Variants in PEAK1 observed in about 807,000 individuals in gnomAD.
PEAK1 encodes the protein inactive tyrosine-protein kinase PEAK1.
A neutral mutation model predicts 124.7 loss-of-function variants in PEAK1; 54 were observed. The observed-to-expected ratio is 0.43, with a 90% CI of 0.35 to 0.54. The LOEUF (loss-of-function observed/expected upper bound fraction) is 0.54, where lower values mean the gene tolerates loss of function less well. Among genes scored for constraint, PEAK1 ranks in the 20% least tolerant of loss-of-function variants. The pLI is 0.01. For synonymous variants in PEAK1, 719 were observed against 760.0 expected, an observed-to-expected ratio of 0.95 and a Z score of 0.89; for missense variants, 2,046 against 2,134.5, an observed-to-expected ratio of 0.96 and a Z score of 0.82.
chr15:77,133,317 G>A lies in PEAK1; in HGVS notation c.3765C>T (p.Ser1255=). Residue 1255 remains serine (S), a synonymous_variant, in exon 9 of 10, where the codon TCC becomes TCT. Coordinates refer to ENST00000682557, the MANE Select transcript of PEAK1 (RefSeq NM_001385026.1). This position sits in a 1 kb window ranked among gnomAD's most constrained non-coding sequence, Gnocchi z 4.2. ...DRFSNSMESL[S]SRRGPSCRQG... ...GTCTGCAAGAGGGCCCACGCCGGCT[G>A]GAGAGGGATTCCATGCTGTTGGAAA... is the stretch of plus-strand genomic sequence containing the variant. The A allele has an allele frequency of 1.2e-6, 2 of 1,614,228 alleles. No homozygotes were observed. The highest frequency in any genetic ancestry group is 2.2e-5 in the South Asian group (2 of 91,086).
At chr15:77,125,424 G>A (rs1379029411) in intron 9 of PEAK1, among the ~76,000 whole-genome samples, 3 of 152,064 alleles carry the variant, frequency 2.0e-5, no homozygotes, top group Admixed American at 1.3e-4. Context: ...GAAAAGGAAG[G>A]AATAACCAAC....
intron 1 of PEAK1, among the ~76,000 whole-genome samples, chr15:77,414,199 CT>C (rs766384289): frequency 6.9e-6 from 1 of 144,308 alleles, no homozygotes; most frequent in Non-Finnish European, 1.5e-5. Flanking sequence ...TTCCTTCCTT[CT>C]TTCCTTCTTT....
At chr15:77,335,386 T>C in intron 2 of PEAK1, 1 of 985,424 alleles carries the variant, frequency 1.0e-6, no homozygotes, top group South Asian at 4.7e-5. Context: ...GTCTTTTTAA[T>C]GGAAATTTAG....
At chr15:77,143,889 A>G in intron 8 of PEAK1, among the ~76,000 whole-genome samples, 1 of 152,230 alleles carries the variant, frequency 6.6e-6, no homozygotes, top group Non-Finnish European at 1.5e-5. Flanking sequence ...GGCTGAGAGC[A>G]GAATGGAATA....
At chr15:77,352,933 A>G (rs1204578661) in intron 2 of PEAK1, 2 of 985,144 alleles carry the variant, frequency 2.0e-6, no homozygotes, top group Non-Finnish European at 2.4e-6. Context: ...GAGCTAATGT[A>G]TTGTACTGCT....
At chr15:77,212,704 T>C (rs950311584) in intron 6 of PEAK1, among the ~76,000 whole-genome samples, 3 of 152,236 alleles carry the variant, frequency 2.0e-5, no homozygotes, top group Non-Finnish European at 4.4e-5. Context: ...TATACTTGTA[T>C]GTAGGTCATC....
At chr15:77,313,557 C>G (rs1432761983) in intron 2 of PEAK1, among the ~76,000 whole-genome samples, 1 of 151,448 alleles carries the variant, frequency 6.6e-6, no homozygotes, top group African/African-American at 2.4e-5. Context: ...ACCTCCACCT[C>G]CTGGGTTCAA....
intron 8 of PEAK1, among the ~76,000 whole-genome samples, chr15:77,146,583 A>G (rs1411991052): frequency 6.6e-6 from 1 of 152,234 alleles, no homozygotes; most frequent in Non-Finnish European, 1.5e-5. Context: ...ATGGGAATGC[A>G]GCTAACTTCG....
intron 2 of PEAK1, chr15:77,356,015 T>G: frequency 1.1e-6 from 1 of 894,076 alleles, no homozygotes; most frequent in Non-Finnish European, 1.3e-6. Context: ...AAGTTCTATT[T>G]TGCTTCTCTT....
chr15:77,231,970 G>A (rs1392166278), intron 6 of PEAK1, among the ~76,000 whole-genome samples: 2 of 151,992 alleles, frequency 1.3e-5, no homozygotes, highest in Admixed American at 1.3e-4. Flanking sequence ...CAAAACACAG[G>A]TATTACTTTA....
At chr15:77,191,070 C>G (rs2057809076) in intron 6 of PEAK1, among the ~76,000 whole-genome samples, 1 of 151,992 alleles carries the variant, frequency 6.6e-6, no homozygotes, top group Non-Finnish European at 1.5e-5. Context: ...TGACAGAGCA[C>G]AGTTATTTTT....
chr15:77,354,373 C>T (rs1220630145), intron 2 of PEAK1, among the ~76,000 whole-genome samples: 1 of 152,204 alleles, frequency 6.6e-6, no homozygotes, highest in Non-Finnish European at 1.5e-5. Context: ...AGCTTTCTGG[C>T]ATCTGCCCCT....
chr15:77,122,731 G>A (rs776301390), intron 9 of PEAK1, among the ~76,000 whole-genome samples: 6 of 152,178 alleles, frequency 3.9e-5, no homozygotes, highest in Non-Finnish European at 8.8e-5. Flanking sequence ...CCATGAGTAT[G>A]TGTAGTTGGC....
At chr15:77,370,755 G>A in intron 1 of PEAK1, 3 of 984,736 alleles carry the variant, frequency 3.0e-6, no homozygotes, top group Non-Finnish European at 3.6e-6. Flanking sequence ...CATCGAGCCA[G>A]GCACGGTGAC....
chr15:77,310,771 T>C (rs771528403), intron 2 of PEAK1, among the ~76,000 whole-genome samples: 1 of 152,222 alleles, frequency 6.6e-6, no homozygotes, highest in Non-Finnish European at 1.5e-5. Flanking sequence ...GGCTTGGGGA[T>C]AACCTAAAGA....
intron 5 of PEAK1, 146 bp from the exon 6 acceptor site, chr15:77,252,672 G>A (rs1258323879): frequency 2.3e-6 from 1 of 426,236 alleles, no homozygotes; most frequent in Non-Finnish European, 3.1e-6. Context: ...TTCTACTTAG[G>A]TGGAGACACG....
chr15:77,132,579 C>T (rs2052961631), intron 9 of PEAK1, among the ~76,000 whole-genome samples: 1 of 151,674 alleles, frequency 6.6e-6, no homozygotes, highest in Non-Finnish European at 1.5e-5. Context: ...CCTGTAATCC[C>T]AGCTACTCGG....
At chr15:77,352,658 T>C in intron 2 of PEAK1, 1 of 951,458 alleles carries the variant, frequency 1.1e-6, no homozygotes, top group Non-Finnish European at 1.3e-6. Context: ...AAACCTAAGG[T>C]TGTTTATGAT....
intron 9 of PEAK1, among the ~76,000 whole-genome samples, chr15:77,132,234 C>G (rs973862777): frequency 1.6e-4 from 25 of 151,978 alleles, no homozygotes; most frequent in African/African-American, 5.1e-4. Flanking sequence ...GCATGAGCCA[C>G]TACATTTGGC....
Sources: gnomAD v4.1 joint callset for allele counts (sites outside exome capture counted in the v4.1 genomes callset) on GRCh38, gnomAD v4.1.1 for gene constraint, Gnocchi (gnomAD v3.1) non-coding constraint, MANE v1.5 for transcripts, NCBI Gene and HGNC (gene_info 2026-07-23, HGNC 2026-07-21) for gene names.